Variants in ARPP21 observed in about 807,000 individuals in gnomAD.
ARPP21 encodes cAMP-regulated phosphoprotein 21.
A neutral mutation model predicts 113.2 loss-of-function variants in ARPP21; 69 were observed. That is an observed-to-expected ratio of 0.61 (90% CI 0.50 to 0.74). The LOEUF (loss-of-function observed/expected upper bound fraction) is 0.74, where lower values mean the gene tolerates loss of function less well. ARPP21 is among the 30% of genes least tolerant of loss of function. ARPP21 has a pLI of 0.00. For missense variants in ARPP21, 1,070 were observed against 1,037.4 expected, an observed-to-expected ratio of 1.03 and a Z score of -0.43; for synonymous variants, 368 against 375.5, an observed-to-expected ratio of 0.98 and a Z score of 0.23.
intron 1 of ARPP21, chr3:35,650,181 A>C (rs575977883): frequency 6.6e-6 from 1 of 152,154 alleles, no homozygotes; most frequent in African/African-American, 2.4e-5. Context: ...TCGAGAACAC[A>C]TTGTTTCAAA....
At chr3:35,721,121 C>T (rs748828644) in intron 13 of ARPP21, among the ~76,000 whole-genome samples, 3 of 152,186 alleles carry the variant, frequency 2.0e-5, no homozygotes, top group Admixed American at 6.5e-5. Context: ...CATGAATTAA[C>T]AGCTTCTCTG....
intron 9 of ARPP21, among the ~76,000 whole-genome samples, chr3:35,698,889 CG>C (rs2085126978): frequency 6.6e-6 from 1 of 151,538 alleles, no homozygotes; most frequent in Admixed American, 6.6e-5. Flanking sequence ...CCAGAATCAC[CG>C]GACACACTGG....
chr3:35,698,339 T>G (rs1222266946), intron 9 of ARPP21, among the ~76,000 whole-genome samples: 1 of 151,632 alleles, frequency 6.6e-6, no homozygotes, highest in African/African-American at 2.4e-5. Flanking sequence ...TCGTATTCCT[T>G]TCCCTACTCG....
intron 20 of ARPP21, among the ~76,000 whole-genome samples, chr3:35,793,143 A>G (rs1336671830): frequency 1.3e-5 from 2 of 152,220 alleles, no homozygotes; most frequent in Non-Finnish European, 2.9e-5. Flanking sequence ...TAAAGGACCT[A>G]TTCTAGGGCC....
intron 14 of ARPP21, among the ~76,000 whole-genome samples, chr3:35,724,641 TG>T (rs2093390935): frequency 6.6e-6 from 1 of 152,206 alleles, no homozygotes; most frequent in East Asian, 1.9e-4. Context: ...AATGTACTTT[TG>T]TTTTGTTATA....
intron 13 of ARPP21, among the ~76,000 whole-genome samples, chr3:35,721,112 A>C (rs1332741290): frequency 6.6e-6 from 1 of 152,232 alleles, no homozygotes; most frequent in Non-Finnish European, 1.5e-5. Context: ...AAGCTGGAAC[A>C]TGAATTAACA....
chr3:35,766,017 T>C (rs1276493862), intron 19 of ARPP21, among the ~76,000 whole-genome samples: 1 of 152,140 alleles, frequency 6.6e-6, no homozygotes, highest in Non-Finnish European at 1.5e-5. Context: ...GGGTACCATG[T>C]AGAGCCTGTA....
intron 14 of ARPP21, 33 bp downstream of exon 14, chr3:35,721,867 G>A (rs1362710991): frequency 5.6e-6 from 8 of 1,416,020 alleles, no homozygotes; most frequent in Admixed American, 4.4e-5. Context: ...ATGTCCTGTG[G>A]TATTTTTTGG....
At chr3:35,667,938 GAGAAGAAGAAAAGA>G in intron 1 of ARPP21, among the ~76,000 whole-genome samples, 1 of 108,262 alleles carries the variant, frequency 9.2e-6, no homozygotes, top group East Asian at 2.7e-4. Context: ...GGAGGAGAAG[GAGAAGAAGAAAAGA>G]AGAAGAAGAA....
chr3:35,784,447 G>A (rs2096589092), intron 19 of ARPP21, among the ~76,000 whole-genome samples: 1 of 152,206 alleles, frequency 6.6e-6, no homozygotes, highest in Non-Finnish European at 1.5e-5. Context: ...CAGTTTTCCA[G>A]CAGACTACTG....
At chr3:35,737,073 T>C in intron 15 of ARPP21, 105 bp from the exon 16 acceptor site, 1 of 698,010 alleles carries the variant, frequency 1.4e-6, no homozygotes, top group East Asian at 2.6e-5. Flanking sequence ...TCCACTGCCC[T>C]GCCCCTTTAC....
intron 19 of ARPP21, among the ~76,000 whole-genome samples, chr3:35,770,527 G>T (rs1002565202): frequency 6.6e-6 from 1 of 152,168 alleles, no homozygotes; most frequent in African/African-American, 2.4e-5. Context: ...TAGTCAAACA[G>T]TTGCTGCCAC....
At chr3:35,737,981 A>C (rs768144846) in intron 16 of ARPP21, among the ~76,000 whole-genome samples, 9 of 152,196 alleles carry the variant, frequency 5.9e-5, no homozygotes, top group Non-Finnish European at 1.2e-4. Context: ...TCTAACCAAC[A>C]ATATCAAACG....
At chr3:35,682,764 TTC>T (rs1414790566) in intron 3 of ARPP21, 82 bp from the exon 4 acceptor site, 2,480 of 1,182,968 alleles carry the variant, frequency 2.1e-3, no homozygotes, top group South Asian at 3.0e-3. Flanking sequence ...CTCTCTTTCT[TTC>T]TCTCTCTCTC....
At chr3:35,751,835 T>G (rs1452114759) in intron 19 of ARPP21, among the ~76,000 whole-genome samples, 1 of 152,076 alleles carries the variant, frequency 6.6e-6, no homozygotes, top group Non-Finnish European at 1.5e-5. Context: ...TTATTCAGTC[T>G]GACAAAGTCT....
intron 19 of ARPP21, among the ~76,000 whole-genome samples, chr3:35,771,104 A>G (rs954527212): frequency 6.6e-6 from 1 of 152,162 alleles, no homozygotes; most frequent in African/African-American, 2.4e-5. Context: ...GGCTCCACTT[A>G]GAAATAATTT....
At chr3:35,757,132 G>T (rs1422118368) in intron 19 of ARPP21, among the ~76,000 whole-genome samples, 1 of 146,394 alleles carries the variant, frequency 6.8e-6, no homozygotes, top group Non-Finnish European at 1.5e-5. Flanking sequence ...CCACTGGCAT[G>T]AGAACTGCAG....
At chr3:35,735,361 C>G (rs960748465) in intron 15 of ARPP21, among the ~76,000 whole-genome samples, 1 of 152,164 alleles carries the variant, frequency 6.6e-6, no homozygotes, top group African/African-American at 2.4e-5. Flanking sequence ...AATCTACCCA[C>G]CTTGACCTCC....
intron 11 of ARPP21, among the ~76,000 whole-genome samples, chr3:35,713,501 T>C (rs1030930046): frequency 1.3e-5 from 2 of 152,120 alleles, no homozygotes; most frequent in African/African-American, 4.8e-5. Flanking sequence ...GCTCAAGTGA[T>C]TCTCCCACCT....
Sources: allele counts gnomAD v4.1 joint callset (sites outside exome capture counted in the v4.1 genomes callset), GRCh38; gene constraint gnomAD v4.1.1; transcripts MANE v1.5; gene names NCBI Gene and HGNC (gene_info 2026-07-23, HGNC 2026-07-21).